Variants in USO1 observed in about 807,000 individuals in gnomAD.
USO1 encodes USO1 vesicle transport factor.
In USO1, 57 loss-of-function variants were observed where a neutral mutation model predicts 124.5. The observed-to-expected ratio is 0.46, with a 90% confidence interval of 0.37 to 0.57. The LOEUF is 0.57. USO1 is among the 20% of genes least tolerant of loss of function. The pLI is 0.00. For missense variants in USO1, 900 were observed against 1,040.6 expected (o/e 0.86, Z 1.86); for synonymous variants, 369 against 362.8 (o/e 1.02, Z -0.19).
intron 1 of USO1, among the ~76,000 whole-genome samples, chr4:75,731,453 T>A (rs1338441662): frequency 2.0e-5 from 3 of 151,748 alleles, no homozygotes; most frequent in African/African-American, 7.3e-5. Context: ...TCCCAGCTAC[T>A]AGGGAGGCTG....
chr4:75,756,867 G>A (rs1721461429), intron 3 of USO1, among the ~76,000 whole-genome samples: 1 of 151,838 alleles, frequency 6.6e-6, no homozygotes, highest in Non-Finnish European at 1.5e-5. Context: ...CACTCTAGTA[G>A]TTGAACTAGA....
At chr4:75,807,412 C>G (rs976359412) in intron 20 of USO1, among the ~76,000 whole-genome samples, 9 of 151,230 alleles carry the variant, frequency 6.0e-5, no homozygotes, top group African/African-American at 2.2e-4. Flanking sequence ...AATGACCATC[C>G]TCACTAACCT....
intron 1 of USO1, among the ~76,000 whole-genome samples, chr4:75,747,580 T>C (rs1434887822): frequency 6.6e-6 from 1 of 151,508 alleles, no homozygotes; most frequent in African/African-American, 2.4e-5. Flanking sequence ...CAGCCATAAG[T>C]TGTTCTTATA....
intron 1 of USO1, among the ~76,000 whole-genome samples, chr4:75,739,872 C>A (rs559104699): frequency 6.6e-6 from 1 of 152,024 alleles, no homozygotes; most frequent in Non-Finnish European, 1.5e-5. Flanking sequence ...TTTGGGATTT[C>A]CCTATTAAAA....
At chr4:75,733,278 ATAAAT>A (rs1041660801) in intron 1 of USO1, among the ~76,000 whole-genome samples, 19 of 152,290 alleles carry the variant, frequency 1.2e-4, no homozygotes, top group East Asian at 7.7e-4. Context: ...ATTAAAAAAA[ATAAAT>A]TAAGTCTGTA....
chr4:75,751,559 A>C (rs1163971471), intron 1 of USO1, among the ~76,000 whole-genome samples: 5 of 144,442 alleles, frequency 3.5e-5, no homozygotes, highest in African/African-American at 5.0e-5. Context: ...GGCCGGGCGC[A>C]GTGGCTCATG....
chr4:75,791,590 G>T (rs1279871002), intron 12 of USO1, among the ~76,000 whole-genome samples: 1 of 152,064 alleles, frequency 6.6e-6, no homozygotes. Context: ...TCAGTCTGTT[G>T]TTCTAGTATA....
chr4:75,764,691 C>G (rs933474205), intron 4 of USO1, among the ~76,000 whole-genome samples: 1 of 151,992 alleles, frequency 6.6e-6, no homozygotes, highest in Non-Finnish European at 1.5e-5. Flanking sequence ...TAATTTTTAG[C>G]TTTTCTCATG....
chr4:75,809,887 A>G (rs1004854700), intron 21 of USO1, among the ~76,000 whole-genome samples: 17 of 152,214 alleles, frequency 1.1e-4, no homozygotes, highest in African/African-American at 4.1e-4. Context: ...CTCATTACAC[A>G]GTTCCAAAGC....
chr4:75,727,781 T>C (rs1720506200), intron 1 of USO1, among the ~76,000 whole-genome samples: 1 of 152,180 alleles, frequency 6.6e-6, no homozygotes, highest in African/African-American at 2.4e-5. Context: ...AACATCTTTT[T>C]TCCAATGGAA....
chr4:75,786,223 A>G (rs1376490053), intron 9 of USO1, among the ~76,000 whole-genome samples: 1 of 152,152 alleles, frequency 6.6e-6, no homozygotes, highest in African/African-American at 2.4e-5. Flanking sequence ...ATAGATCACA[A>G]TATGTGTCGG....
chr4:75,782,981 C>G (rs1722263406), intron 9 of USO1, 123 bp downstream of exon 9: 1 of 1,303,228 alleles, frequency 7.7e-7, no homozygotes, highest in East Asian at 2.9e-5. Flanking sequence ...CTTAAAAAAA[C>G]TGTAATATGG....
rs1194885289 is a variant in USO1, at chr4:75,808,973, T to C, written c.2397T>C (p.Ser799=). 2 of 1,602,036 alleles carry C rather than the reference T, an allele frequency of 1.2e-6. No homozygotes were observed. The highest frequency in any genetic ancestry group is 1.7e-6 in the Non-Finnish European group (2 of 1,174,408). ...ELKQELATLK[S]QLNSQSVEIT... ...CTTAGGAACTGGCAACTTTAAAGTC[T>C]CAGTTAAACTCACAATCTGTGGAGA... is the stretch of plus-strand genomic sequence containing the variant. The change falls in exon 21 of 24, where the codon TCT becomes TCC. Residue 799 remains serine, a synonymous_variant. Transcript: ENST00000514213.
chr4:75,792,158 G>A (rs550510292), intron 12 of USO1, among the ~76,000 whole-genome samples: 1 of 152,086 alleles, frequency 6.6e-6, no homozygotes, highest in African/African-American at 2.4e-5. Flanking sequence ...CCAGCATTTT[G>A]GGAGGCCAAG....
chr4:75,730,026 G>A, intron 1 of USO1: 1 of 293,554 alleles, frequency 3.4e-6, no homozygotes, highest in South Asian at 2.7e-5. Context: ...TTAATAACCA[G>A]GTCAATGTCA....
chr4:75,769,504 T>A (rs1455328169), intron 4 of USO1, among the ~76,000 whole-genome samples: 1 of 152,128 alleles, frequency 6.6e-6, no homozygotes, highest in Non-Finnish European at 1.5e-5. Context: ...TAGAAAAGAA[T>A]TTTCTGAGGG....
intron 17 of USO1, among the ~76,000 whole-genome samples, chr4:75,802,045 C>T (rs1178465555): frequency 1.3e-5 from 2 of 150,916 alleles, no homozygotes; most frequent in Non-Finnish European, 3.0e-5. Context: ...ATCTCCTGAC[C>T]TCGGGTGATC....
intron 8 of USO1, among the ~76,000 whole-genome samples, chr4:75,778,143 G>T (rs917175461): frequency 2.0e-5 from 3 of 151,954 alleles, no homozygotes; most frequent in Non-Finnish European, 2.9e-5. Context: ...TAGGATTTAG[G>T]GACACCAATG....
chr4:75,743,015 C>T (rs1445336391), intron 1 of USO1, among the ~76,000 whole-genome samples: 1 of 147,210 alleles, frequency 6.8e-6, no homozygotes, highest in Non-Finnish European at 1.5e-5. Context: ...GACAGAGTCT[C>T]GCTCAGTTGC....
Sources: gnomAD v4.1 joint callset for allele counts (sites outside exome capture counted in the v4.1 genomes callset) on GRCh38, gnomAD v4.1.1 for gene constraint, MANE v1.5 for transcripts, NCBI Gene and HGNC (gene_info 2026-07-23, HGNC 2026-07-21) for gene names.